CYFIP2: variants seen among roughly 807,000 people sequenced by gnomAD.
CYFIP2 encodes the protein cytoplasmic FMR1-interacting protein 2.
CYFIP2 carries 29 observed loss-of-function variants against 158.7 expected under a neutral mutation model. The ratio of observed to expected loss-of-function variants is 0.18; its 90% CI spans 0.14 to 0.25. The LOEUF is 0.25. Among genes scored for constraint, CYFIP2 ranks in the 10% least tolerant of loss-of-function variants. CYFIP2 has a pLI of 1.00. For missense variants in CYFIP2, 852 were observed against 1,639.5 expected (o/e 0.52, Z 8.29); for synonymous variants, 585 against 617.6 (o/e 0.95, Z 0.78).
chr5:157,289,758 A>G (rs545708076), intron 3 of CYFIP2, among the ~76,000 whole-genome samples: 1 of 152,316 alleles, frequency 6.6e-6, no homozygotes, highest in African/African-American at 2.4e-5. Flanking sequence ...GCTTCAACCT[A>G]TAAATTTGGG....
At chr5:157,303,299 T>G (rs760497138) in intron 7 of CYFIP2, among the ~76,000 whole-genome samples, 20 of 152,172 alleles carry the variant, frequency 1.3e-4, no homozygotes, top group Non-Finnish European at 2.6e-4. Flanking sequence ...CTCATAGGAC[T>G]GTTGTGAGAA....
intron 28 of CYFIP2, among the ~76,000 whole-genome samples, chr5:157,386,919 C>G (rs1365992444): frequency 8.5e-6 from 1 of 117,834 alleles, no homozygotes; most frequent in Non-Finnish European, 1.7e-5. Flanking sequence ...GACTCTGTCT[C>G]GAAGATTTAA....
chr5:157,352,754 GAA>G (rs1763153683), intron 23 of CYFIP2, among the ~76,000 whole-genome samples: 1 of 152,172 alleles, frequency 6.6e-6, no homozygotes. Flanking sequence ...ACTTTCTTTG[GAA>G]AGAGGTCTTT....
intron 23 of CYFIP2, among the ~76,000 whole-genome samples, chr5:157,358,721 C>CCT (rs374270904): frequency 1.3e-5 from 2 of 152,168 alleles, no homozygotes; most frequent in African/African-American, 4.8e-5. Flanking sequence ...GGGTGTGGAA[C>CCT]GTCATGGGTG....
At chr5:157,346,094 C>G (rs903877577) in intron 23 of CYFIP2, among the ~76,000 whole-genome samples, 2 of 152,054 alleles carry the variant, frequency 1.3e-5, no homozygotes, top group African/African-American at 4.8e-5. Flanking sequence ...GACTCATGTG[C>G]CATTACATAG....
At chr5:157,335,476 CTA>C (rs1356157103) in intron 21 of CYFIP2, among the ~76,000 whole-genome samples, 3 of 152,206 alleles carry the variant, frequency 2.0e-5, no homozygotes, top group Non-Finnish European at 4.4e-5. Context: ...TGGGGTTTCA[CTA>C]TGTTGGCCAG....
intron 23 of CYFIP2, among the ~76,000 whole-genome samples, chr5:157,349,610 C>T (rs1412973036): frequency 6.6e-6 from 1 of 152,122 alleles, no homozygotes; most frequent in Non-Finnish European, 1.5e-5. Flanking sequence ...GAATGATTTC[C>T]TTTCCTCTGG....
At position 157,326,210 on chromosome 5, in the gene CYFIP2, C is replaced by A. The variant is rs375703811; in HGVS notation, c.2022C>A (p.Ala674=). 1.9e-6 allele frequency: 3 copies of A among 1,613,872 alleles called. No individual in the cohort carries two copies. Among genetic ancestry groups the A allele is most frequent in the Non-Finnish European group, 2.5e-6 (3 of 1,179,882 alleles). Residue 674 remains alanine (A), a synonymous_variant, in exon 18 of 31, where the codon GCC becomes GCA. Coordinates refer to ENST00000620254, the MANE Select transcript of CYFIP2 (RefSeq NM_001037333.3). The stretch of plus-strand genomic sequence containing the variant: ...CTCTGGATCTGTACAACGACAGCGC[C>A]TACTATGCTCTGACCAAGTTTAAAA... ...LYPLDLYNDS[A]YYALTKFKKQ...
At chr5:157,324,206 GA>G in intron 16 of CYFIP2, 132 bp downstream of exon 16, 3 of 1,085,360 alleles carry the variant, frequency 2.8e-6, no homozygotes, top group Non-Finnish European at 3.8e-6. Context: ...CACCACCAAG[GA>G]AAAAACACAT....
rs760833992 is a variant in CYFIP2 at position 157,307,906 on chromosome 5, A to G, written c.900+41A>G. 4 of 1,166,514 alleles carry G rather than the reference A, an allele frequency of 3.4e-6. No homozygotes were observed. The East Asian group carries it at 7.4e-5, about 22-fold the overall frequency. 72.3% of individuals were successfully genotyped at this position (1,166,514 alleles called of 1,614,324 possible). ...TGGGGCTGGGCAGAGGGCTGAGGTT[A>G]CCAGCGCCAAGATGTCTTTGGGGGA... On this transcript the variant is annotated intron_variant, in intron 9 of 30. Coordinates refer to ENST00000620254, the MANE Select transcript of CYFIP2 (RefSeq NM_001037333.3).
chr5:157,388,102 T>C (rs1766878744), intron 28 of CYFIP2, among the ~76,000 whole-genome samples: 1 of 152,258 alleles, frequency 6.6e-6, no homozygotes, highest in Admixed American at 6.5e-5. Context: ...TAAGTCCCCT[T>C]CTGTGGATCT....
chr5:157,318,064 G>A (rs904802842), intron 13 of CYFIP2, among the ~76,000 whole-genome samples: 2 of 152,038 alleles, frequency 1.3e-5, no homozygotes, highest in East Asian at 1.9e-4. Flanking sequence ...TTAAAAAATC[G>A]GGTTTCTGTC....
chr5:157,386,110 A>G (rs1766658220), intron 28 of CYFIP2, among the ~76,000 whole-genome samples: 1 of 152,248 alleles, frequency 6.6e-6, no homozygotes, highest in Non-Finnish European at 1.5e-5. Flanking sequence ...ACACACACGG[A>G]AAAGTATCTG....
chr5:157,316,014 C>T (rs909555463), intron 13 of CYFIP2, among the ~76,000 whole-genome samples: 7 of 152,080 alleles, frequency 4.6e-5, no homozygotes, highest in Admixed American at 2.0e-4. Flanking sequence ...CATTTGAACC[C>T]GGGAGGTGGA....
rs759155406 is a variant in CYFIP2, at chr5:157,337,933, T to C, written c.2386-1124T>C. Among the ~76,000 whole-genome samples the C allele has an allele frequency of 2.0e-5, 3 of 152,258 alleles. No homozygotes were observed. In the South Asian group the frequency reaches 6.2e-4, roughly 31 times the overall value. ...TGGATTCACATCCTAAGGCCTCTTA[T>C]GGTGACCTTGGGCAAGTTACTTAAC... is the stretch of plus-strand genomic sequence containing the variant. On this transcript the variant is annotated intron_variant, in intron 21 of 30. Coordinates refer to ENST00000620254, the MANE Select transcript of CYFIP2 (RefSeq NM_001037333.3).
rs1758122225 is a variant in CYFIP2, at chr5:157,294,847, G to A, written c.272G>A (p.Arg91Gln). 2.5e-6 allele frequency: 4 copies of A among 1,613,354 alleles called. No individual in the cohort carries two copies. The highest frequency in any genetic ancestry group is 3.4e-6 in the Non-Finnish European group (4 of 1,179,460). The change falls in exon 4 of 31, where the codon CGG (arginine) becomes CAG (glutamine). Residue 91 changes from arginine (R) to glutamine (Q), a missense_variant. Around this residue, in one of 8 missense-constraint regions of CYFIP2, gnomAD observed 123 missense variants for 316.7 expected, o/e 0.39. Coordinates refer to ENST00000620254, the MANE Select transcript of CYFIP2 (RefSeq NM_001037333.3). ...CTGTACACCTGGCGCAGCTGTTCCC[G>A]GGCCATTCCCCAGGTGAGACTGTCC... is the stretch of plus-strand genomic sequence containing the variant. Reference protein sequence around the residue: ...VMLYTWRSCSRAIPQVKCNEQ... With the variant: ...VMLYTWRSCSQAIPQVKCNEQ...
chr5:157,283,317 A>G (rs2113837653), intron 1 of CYFIP2, among the ~76,000 whole-genome samples: 1 of 152,362 alleles, frequency 6.6e-6, no homozygotes, highest in Middle Eastern at 3.4e-3. Flanking sequence ...CTATTATTAT[A>G]ATTGGAATTA....
At chr5:157,372,620 C>T (rs1042028941) in intron 26 of CYFIP2, among the ~76,000 whole-genome samples, 1 of 152,142 alleles carries the variant, frequency 6.6e-6, no homozygotes, top group African/African-American at 2.4e-5. Context: ...TTCTTGGTAA[C>T]ATATATCCCG....
At chr5:157,276,480 C>T (rs775783396) in intron 1 of CYFIP2, among the ~76,000 whole-genome samples, 4 of 152,134 alleles carry the variant, frequency 2.6e-5, no homozygotes, top group Non-Finnish European at 5.9e-5. Context: ...ATAAATCTCA[C>T]TTGTTCATGA....
Sources: allele counts gnomAD v4.1 joint callset (sites outside exome capture counted in the v4.1 genomes callset), GRCh38; gene constraint gnomAD v4.1.1; regional missense constraint gnomAD v4.1.1; transcripts MANE v1.5; gene names NCBI Gene and HGNC (gene_info 2026-07-23, HGNC 2026-07-21).